WDFY1: variants seen among roughly 807,000 people sequenced by gnomAD.
WDFY1 encodes WD repeat and FYVE domain containing 1.
Under a neutral mutation model 56.4 loss-of-function variants are expected in WDFY1, and 32 were observed. The ratio of observed to expected loss-of-function variants is 0.57; its 90% CI spans 0.43 to 0.76. The LOEUF is 0.76. WDFY1 is among the 30% of genes least tolerant of loss of function. WDFY1 has a pLI of 0.00. For missense variants in WDFY1, 480 were observed against 545.7 expected, an observed-to-expected ratio of 0.88 and a Z score of 1.20; for synonymous variants, 192 against 197.3, an observed-to-expected ratio of 0.97 and a Z score of 0.23.
In WDFY1 at chr2:223,876,162, A is replaced by T. The variant is rs759132504; in HGVS notation, c.*2509T>A. On this transcript the variant is annotated 3_prime_UTR_variant, in exon 12 of 12. Transcript: ENST00000233055. Reference sequence around the variant, plus strand: ...TGAAGAATCGGCATTTCCTTACCACATATATACTAGATGTAAATATAAGGA... The same window carrying T: ...TGAAGAATCGGCATTTCCTTACCACTTATATACTAGATGTAAATATAAGGA... 5 of 152,514 alleles carry T rather than the reference A, an allele frequency of 3.3e-5. No individual in the cohort carries two copies. The highest frequency in any genetic ancestry group is 7.4e-5 in the Non-Finnish European group (5 of 68,004). 9.4% of individuals were successfully genotyped at this position (152,514 alleles called of 1,614,324 possible).
At chr2:223,894,603 G>A (rs1477570191) in intron 7 of WDFY1, 31 of 456,486 alleles carry the variant, frequency 6.8e-5, no homozygotes, top group Middle Eastern at 1.2e-3. Context: ...TGAGGGCTAT[G>A]GTTTTTGGGA....
intron 5 of WDFY1, among the ~76,000 whole-genome samples, chr2:223,899,668 C>A (rs1693468954): frequency 6.6e-6 from 1 of 152,062 alleles, no homozygotes; most frequent in Admixed American, 6.6e-5. Context: ...ACAGCTTGAA[C>A]CCAGGAGGCA....
rs763688002 is a variant in WDFY1 at position 223,898,963 on chromosome 2, T to C, written c.593A>G (p.His198Arg). 1.9e-6 allele frequency: 3 copies of C among 1,613,894 alleles called. No individual in the cohort carries two copies. Among genetic ancestry groups the C allele is most frequent in the Non-Finnish European group, 2.5e-6 (3 of 1,179,798 alleles). ...TGGGTGATAATATAGCCTACCTTCATGTCCTTTGAGGGTTGTGATGACTGA... is the reference window on the plus strand; with the variant it reads ...TGGGTGATAATATAGCCTACCTTCACGTCCTTTGAGGGTTGTGATGACTGA... ...TCSVITTLKG[H>R]EGSVACLWWD... The change falls in exon 6 of 12, where the codon CAT (histidine) becomes CGT (arginine). Residue 198 changes from histidine (H) to arginine (R), a missense_variant. Coordinates refer to ENST00000233055, the MANE Select transcript of WDFY1 (RefSeq NM_020830.5).
rs767107372 is a variant in WDFY1 at position 223,881,901 on chromosome 2, T to G, written c.1064+41A>C. 1.9e-6 allele frequency: 3 copies of G among 1,607,902 alleles called. No individual in the cohort carries two copies. The African/African-American group carries it at 4.0e-5, about 22-fold the overall frequency. On this transcript the variant is annotated intron_variant, in intron 10 of 11. Transcript: ENST00000233055. ...ACATTTCAGAGAACCATTAGACAGATGTAATAAGAGGCAATGAGACAAAAA... is the reference window on the plus strand; with the variant it reads ...ACATTTCAGAGAACCATTAGACAGAGGTAATAAGAGGCAATGAGACAAAAA...
chr2:223,880,289 G>A (rs1693043628), intron 10 of WDFY1, 57 bp from the exon 11 acceptor site: 12 of 1,518,036 alleles, frequency 7.9e-6, no homozygotes, highest in Middle Eastern at 1.9e-4. Flanking sequence ...GAGCTAGTGG[G>A]GTAAGCTTTT....
At chr2:223,897,390 A>ATATATATATATATATATTTT (rs1461451983) in intron 6 of WDFY1, among the ~76,000 whole-genome samples, 1 of 125,992 alleles carries the variant, frequency 7.9e-6, no homozygotes, top group Non-Finnish European at 1.6e-5. Context: ...ATATATATAT[A>ATATATATATATATATATTTT]TTTTTTAAGA....
intron 1 of WDFY1, among the ~76,000 whole-genome samples, chr2:223,925,111 G>A (rs905287450): frequency 6.6e-6 from 1 of 151,874 alleles, no homozygotes; most frequent in Non-Finnish European, 1.5e-5. Flanking sequence ...GAATGAAATG[G>A]GTTAATGATA....
chr2:223,943,486 T>C (rs574355668), intron 1 of WDFY1, among the ~76,000 whole-genome samples: 17 of 152,276 alleles, frequency 1.1e-4, no homozygotes, highest in African/African-American at 4.1e-4. Flanking sequence ...CCATTCAGGA[T>C]AGGGTCAATG....
At chr2:223,907,853 A>AT (rs933565405) in intron 3 of WDFY1, among the ~76,000 whole-genome samples, 2,971 of 87,364 alleles carry the variant, frequency 0.034, 89 homozygotes, top group African/African-American at 0.1. Flanking sequence ...TGCTGCTGCT[A>AT]TTTTTTTTTT....
At chr2:223,896,812 C>T (rs1217565016) in intron 6 of WDFY1, among the ~76,000 whole-genome samples, 1 of 152,156 alleles carries the variant, frequency 6.6e-6, no homozygotes, top group South Asian at 2.1e-4. Context: ...ACATGACTTT[C>T]GACCCTGTGT....
intron 1 of WDFY1, among the ~76,000 whole-genome samples, chr2:223,926,492 C>G (rs1235263587): frequency 6.6e-6 from 1 of 152,080 alleles, no homozygotes; most frequent in Admixed American, 6.5e-5. Flanking sequence ...CCATGAGCTA[C>G]AGAATGAGTG....
chr2:223,914,286 C>T (rs570249327), intron 2 of WDFY1, among the ~76,000 whole-genome samples: 1 of 152,098 alleles, frequency 6.6e-6, no homozygotes, highest in East Asian at 1.9e-4. Context: ...CATGAGCCAC[C>T]ATGCCCAGCC....
chr2:223,881,279 A>G (rs1432691270), intron 10 of WDFY1, among the ~76,000 whole-genome samples: 1 of 152,238 alleles, frequency 6.6e-6, no homozygotes, highest in South Asian at 2.1e-4. Context: ...ATACTTTTAT[A>G]GAGAACCAGC....
At chr2:223,935,642 C>CT (rs1694156289) in intron 1 of WDFY1, among the ~76,000 whole-genome samples, 1 of 152,180 alleles carries the variant, frequency 6.6e-6, no homozygotes, top group South Asian at 2.1e-4. Flanking sequence ...ATCATTCAAC[C>CT]AGTAGCTAGT....
At chr2:223,884,951 C>T (rs1693147415) in intron 8 of WDFY1, among the ~76,000 whole-genome samples, 1 of 151,034 alleles carries the variant, frequency 6.6e-6, no homozygotes, top group Non-Finnish European at 1.5e-5. Flanking sequence ...AAGTGACTCT[C>T]CTGCCTCAGG....
chr2:223,903,537 AAC>A (rs747355680), intron 4 of WDFY1, among the ~76,000 whole-genome samples: 121 of 28,028 alleles, frequency 4.3e-3, no homozygotes, highest in Non-Finnish European at 7.0e-3. Context: ...AACAAAACAA[AAC>A]AAAAAAAAAC....
rs1215957347 is a variant in WDFY1 at position 223,910,931 on chromosome 2, GA to G, written c.279+1321del. Among the ~76,000 whole-genome samples the G allele has an allele frequency of 2.0e-5, 3 of 151,970 alleles. No homozygotes were observed. The East Asian group carries it at 5.8e-4, about 29-fold the overall frequency. ...CTAGGTATACATACCCAAGAGAATA[GA>G]AAAAAATATGTCCATGCAAAAACAT... On this transcript the variant is annotated intron_variant, in intron 3 of 11. Coordinates refer to ENST00000233055, the MANE Select transcript of WDFY1 (RefSeq NM_020830.5).
intron 1 of WDFY1, among the ~76,000 whole-genome samples, chr2:223,921,828 A>G (rs578010021): frequency 9.8e-4 from 149 of 152,250 alleles, no homozygotes; most frequent in African/African-American, 3.4e-3. Context: ...ATTCCCATAT[A>G]TCACGTTTGC....
At chr2:223,914,479 T>C (rs138554709) in intron 2 of WDFY1, among the ~76,000 whole-genome samples, 106 of 152,362 alleles carry the variant, frequency 7.0e-4, no homozygotes, top group African/African-American at 2.3e-3. Context: ...ATATAACTTA[T>C]GATTGCTCAC....
Sources: gnomAD v4.1 joint callset for allele counts (sites outside exome capture counted in the v4.1 genomes callset) on GRCh38, gnomAD v4.1.1 for gene constraint, MANE v1.5 for transcripts, NCBI Gene and HGNC (gene_info 2026-07-23, HGNC 2026-07-21) for gene names.